The following C12orf75 variants were observed in gnomAD, a reference collection of about 807,000 sequenced individuals.
C12orf75 encodes chromosome 12 open reading frame 75.
In C12orf75, 4 loss-of-function variants were observed where a neutral mutation model predicts 11.4. That is an observed-to-expected ratio of 0.35 (90% CI 0.17 to 0.80). The LOEUF (loss-of-function observed/expected upper bound fraction) is 0.80, where lower values mean the gene tolerates loss of function less well. Among genes scored for constraint, C12orf75 ranks in the 30% least tolerant of loss-of-function variants. C12orf75 has a pLI of 0.52. For missense variants in C12orf75, 89 were observed against 80.4 expected, an observed-to-expected ratio of 1.11 and a Z score of -0.41; for synonymous variants, 30 against 30.0, an observed-to-expected ratio of 1.00 and a Z score of 0.00.
chr12:105,348,712 G>A (rs1256625283), intron 2 of C12orf75, 86 bp downstream of exon 2: 2 of 838,796 alleles, frequency 2.4e-6, no homozygotes, highest in Admixed American at 5.8e-5. Flanking sequence ...GATCTCTGTG[G>A]GTATGGCTGA....
chr12:105,370,568 A>G, intron 5 of C12orf75, 66 bp from the exon 6 acceptor site: 3 of 457,550 alleles, frequency 6.6e-6, no homozygotes, highest in South Asian at 4.6e-5. Flanking sequence ...CTTAAGGCTA[A>G]TACATTTTTT....
chr12:105,350,367 G>C (rs1278628938), intron 2 of C12orf75, among the ~76,000 whole-genome samples: 1 of 152,226 alleles, frequency 6.6e-6, no homozygotes, highest in East Asian at 1.9e-4. Context: ...CAGAGCCCAG[G>C]GCTGGGAGGG....
chr12:105,349,631 T>C lies in C12orf75; in HGVS notation c.71+1005T>C, dbSNP rs192728337. Among the ~76,000 whole-genome samples, 33 of 152,226 alleles carry C rather than the reference T, an allele frequency of 2.2e-4. 1 individual carries two copies. The highest frequency in any genetic ancestry group is 4.1e-4 in the Non-Finnish European group (28 of 68,006). On this transcript the variant is annotated intron_variant, in intron 2 of 5. Transcript: ENST00000443585. ...TGGCGCATGCCTGTAATCCCAGCAC[T>C]TTGGGAGGCTGAGGCGGGTGGATCA... is the stretch of plus-strand genomic sequence containing the variant.
At chr12:105,341,238 A>G (rs1166319891) in intron 1 of C12orf75, among the ~76,000 whole-genome samples, 2 of 152,220 alleles carry the variant, frequency 1.3e-5, no homozygotes, top group Admixed American at 6.5e-5. Flanking sequence ...AAGACTGTTC[A>G]GAACCTTAAC....
chr12:105,365,937 C>T, intron 3 of C12orf75, 95 bp downstream of exon 3: 1 of 836,038 alleles, frequency 1.2e-6, no homozygotes, highest in South Asian at 1.4e-5. Context: ...AACACAGATT[C>T]TGCCAGGAAA....
intron 2 of C12orf75, among the ~76,000 whole-genome samples, chr12:105,363,742 GA>G (rs1192542945): frequency 2.7e-5 from 4 of 149,512 alleles, no homozygotes; most frequent in African/African-American, 7.4e-5. Context: ...AAAAAAAAAA[GA>G]GTGGACATCT....
At chr12:105,366,760 A>G in intron 4 of C12orf75, 64 bp downstream of exon 4, 1 of 966,542 alleles carries the variant, frequency 1.0e-6, no homozygotes, top group Non-Finnish European at 1.6e-6. Flanking sequence ...ATGAAAAAGC[A>G]TGAAATTTAT....
At chr12:105,352,372 G>A (rs1350746512) in intron 2 of C12orf75, among the ~76,000 whole-genome samples, 2 of 152,202 alleles carry the variant, frequency 1.3e-5, no homozygotes, top group African/African-American at 4.8e-5. Context: ...GTAAGGAATG[G>A]AGGGATGTTG....
At chr12:105,363,233 A>G (rs963635310) in intron 2 of C12orf75, among the ~76,000 whole-genome samples, 11 of 152,380 alleles carry the variant, frequency 7.2e-5, no homozygotes, top group South Asian at 2.1e-4. Context: ...GAGGAATAGC[A>G]TGGATGCACG....
chr12:105,363,727 T>TA lies in C12orf75; in HGVS notation c.72-2066dup, dbSNP rs34851203. On this transcript the variant is annotated intron_variant, in intron 2 of 5. Coordinates refer to ENST00000443585, the MANE Select transcript of C12orf75 (RefSeq NM_001145199.2). ...TGACAGAGCAAGACTCTGTCTTAAT[T>TA]AAAAAAAAAAAAAAGAGTGGACATC... Among the ~76,000 whole-genome samples, 117 of 142,676 alleles carry TA rather than the reference T, an allele frequency of 8.2e-4. 1 individual carries two copies. The highest frequency in any genetic ancestry group is 7.3e-4 in the Non-Finnish European group (47 of 64,572). 93.6% of individuals were successfully genotyped at this position (142,676 alleles called of 152,430 possible).
At chr12:105,352,628 T>G (rs746790239) in intron 2 of C12orf75, among the ~76,000 whole-genome samples, 1 of 152,162 alleles carries the variant, frequency 6.6e-6, no homozygotes, top group Non-Finnish European at 1.5e-5. Flanking sequence ...TTTTAAAAAT[T>G]ATTTTTTGGC....
rs1871458027 is a variant in C12orf75 at position 105,365,912 on chromosome 12, T to C, written c.107+70T>C. ...CATACCTCATGGATTTAACACACTG[T>C]AGCATATTCCCAATAACACAGATTC... On this transcript the variant is annotated intron_variant, in intron 3 of 5. Coordinates refer to ENST00000443585, the MANE Select transcript of C12orf75 (RefSeq NM_001145199.2). 6.5e-6 allele frequency: 6 copies of C among 928,718 alleles called. No homozygotes were observed. In the South Asian group the frequency reaches 7.0e-5, roughly 11 times the overall value. The allele number at this position is 928,718 out of a possible 1,614,324, so 57.5% of individuals were successfully genotyped here.
intron 2 of C12orf75, among the ~76,000 whole-genome samples, chr12:105,353,309 T>G (rs1322191109): frequency 1.3e-5 from 2 of 152,244 alleles, no homozygotes; most frequent in African/African-American, 4.8e-5. Flanking sequence ...ATCAGCTTCC[T>G]AATTCCTGTG....
intron 1 of C12orf75, among the ~76,000 whole-genome samples, chr12:105,332,614 C>T (rs1450784167): frequency 6.6e-6 from 1 of 151,720 alleles, no homozygotes; most frequent in Non-Finnish European, 1.5e-5. Flanking sequence ...GCTTGTAATC[C>T]CAGCTATTTG....
At chr12:105,352,106 A>C (rs933892704) in intron 2 of C12orf75, among the ~76,000 whole-genome samples, 1 of 152,218 alleles carries the variant, frequency 6.6e-6, no homozygotes, top group Admixed American at 6.5e-5. Context: ...GGGGAAGGAA[A>C]GGAAAGGAAA....
At chr12:105,342,722 C>G (rs1242693603) in intron 1 of C12orf75, among the ~76,000 whole-genome samples, 1 of 152,188 alleles carries the variant, frequency 6.6e-6, no homozygotes, top group Non-Finnish European at 1.5e-5. Context: ...CAAGAGTCAT[C>G]TCATTAGAAG....
intron 2 of C12orf75, 85 bp downstream of exon 2, chr12:105,348,711 G>T (rs1892672678): frequency 1.2e-6 from 1 of 842,294 alleles, no homozygotes; most frequent in East Asian, 2.8e-5. Context: ...AGATCTCTGT[G>T]GGTATGGCTG....
At chr12:105,354,901 G>C (rs80300347) in intron 2 of C12orf75, among the ~76,000 whole-genome samples, 1 of 152,102 alleles carries the variant, frequency 6.6e-6, no homozygotes, top group Non-Finnish European at 1.5e-5. Context: ...AGGGAGGACG[G>C]GGAGGGATGG....
At chr12:105,357,628 C>G (rs1249708548) in intron 2 of C12orf75, among the ~76,000 whole-genome samples, 2 of 152,052 alleles carry the variant, frequency 1.3e-5, no homozygotes, top group African/African-American at 4.8e-5. Context: ...AAGTGTGTGA[C>G]CTTAGGCTAG....
Sources: gnomAD v4.1 joint callset for allele counts (sites outside exome capture counted in the v4.1 genomes callset) on GRCh38, gnomAD v4.1.1 for gene constraint, MANE v1.5 for transcripts, NCBI Gene and HGNC (gene_info 2026-07-23, HGNC 2026-07-21) for gene names.